The following TBC1D22A variants were observed in gnomAD, a reference collection of about 807,000 sequenced individuals.
TBC1D22A encodes the protein TBC1 domain family member 22A.
In TBC1D22A, 38 loss-of-function variants were observed where a neutral mutation model predicts 60.2. The observed-to-expected ratio is 0.63, with a 90% confidence interval of 0.49 to 0.83. The LOEUF (loss-of-function observed/expected upper bound fraction) is 0.83. TBC1D22A is among the 40% of genes least tolerant of loss of function. The pLI, the probability that TBC1D22A is intolerant of heterozygous loss-of-function variation, is 0.00. For synonymous variants in TBC1D22A, 302 were observed against 281.7 expected, an observed-to-expected ratio of 1.07 and a Z score of -0.72; for missense variants, 628 against 701.0, an observed-to-expected ratio of 0.90 and a Z score of 1.18.
chr22:46,767,285 C>T (rs1444930631), intron 1 of TBC1D22A, among the ~76,000 whole-genome samples: 2 of 152,300 alleles, frequency 1.3e-5, no homozygotes, highest in South Asian at 2.1e-4. Context: ...CACCAAGTTA[C>T]CTCTGGGGCC....
chr22:47,059,222 C>G (rs1159334660), intron 11 of TBC1D22A, among the ~76,000 whole-genome samples: 1 of 152,258 alleles, frequency 6.6e-6, no homozygotes, highest in South Asian at 2.1e-4. Context: ...CTGTCTGGCA[C>G]CTGGATTTTC....
chr22:47,167,478 T>G (rs1361649780), intron 12 of TBC1D22A, among the ~76,000 whole-genome samples: 5 of 152,224 alleles, frequency 3.3e-5, no homozygotes, highest in Admixed American at 6.5e-5. Context: ...TACAGCTCTT[T>G]TACTCCTGCC....
At position 47,079,084 on chromosome 22, in the gene TBC1D22A, C is replaced by CTTTT. The variant is rs35269996; in HGVS notation, c.1330-32407_1330-32404dup. The stretch of plus-strand genomic sequence containing the variant: ...TGGGTAAGTGAGAATGTAGAGCAGA[C>CTTTT]TTTTTTTTTTTTTTTTTTTTGAGAC... On this transcript the variant is annotated intron_variant, in intron 11 of 12. Coordinates refer to ENST00000337137, the MANE Select transcript of TBC1D22A (RefSeq NM_014346.5). 6.1e-4 allele frequency among the ~76,000 whole-genome samples: 76 copies of CTTTT among 124,886 alleles called. 1 individual carries two copies. Among genetic ancestry groups the CTTTT allele is most frequent in the African/African-American group, 6.9e-4 (23 of 33,438 alleles). 81.9% of individuals were successfully genotyped at this position (124,886 alleles called of 152,430 possible). A position where few individuals can be genotyped will look rare whatever the true frequency, so the allele number is the denominator to read the frequency against.
chr22:47,131,248 C>T (rs549811016), intron 12 of TBC1D22A, among the ~76,000 whole-genome samples: 2 of 152,352 alleles, frequency 1.3e-5, no homozygotes, highest in Non-Finnish European at 2.9e-5. Context: ...AACTGTATCA[C>T]TGTCCTTGTA....
intron 9 of TBC1D22A, among the ~76,000 whole-genome samples, chr22:46,980,013 G>A (rs894955173): frequency 1.3e-5 from 2 of 151,910 alleles, no homozygotes; most frequent in African/African-American, 4.8e-5. Flanking sequence ...CAGAGAAGGA[G>A]TGCGCCGGGA....
chr22:46,893,098 A>G lies in TBC1D22A; in HGVS notation c.838-1686A>G, dbSNP rs190796523. 1.8e-3 allele frequency among the ~76,000 whole-genome samples: 273 copies of G among 152,320 alleles called. 1 individual carries two copies. The highest frequency in any genetic ancestry group is 6.3e-3 in the African/African-American group (261 of 41,568). ...CCAGCCGTCTGACCCGCAGTGGGCA[A>G]TGCCACCCCTGCACACTGGTGGAGG... On this transcript the variant is annotated intron_variant, in intron 6 of 12. Transcript: ENST00000337137.
chr22:47,015,437 C>T (rs942539081), intron 10 of TBC1D22A, among the ~76,000 whole-genome samples: 3 of 152,302 alleles, frequency 2.0e-5, no homozygotes, highest in Admixed American at 1.3e-4. Flanking sequence ...CACGCCCACC[C>T]CGTTTTACAC....
intron 11 of TBC1D22A, among the ~76,000 whole-genome samples, chr22:47,088,132 G>A (rs1308160181): frequency 1.3e-5 from 2 of 151,932 alleles, no homozygotes; most frequent in Non-Finnish European, 2.9e-5. Flanking sequence ...AACTGTTGGT[G>A]GATTCTGCCC....
intron 9 of TBC1D22A, among the ~76,000 whole-genome samples, chr22:46,985,303 A>T (rs2074681943): frequency 6.6e-6 from 1 of 152,152 alleles, no homozygotes; most frequent in African/African-American, 2.4e-5. Context: ...GAGTCCGTTT[A>T]GATGTGTCAA....
At chr22:46,868,379 A>T (rs768062774) in intron 4 of TBC1D22A, among the ~76,000 whole-genome samples, 3 of 152,222 alleles carry the variant, frequency 2.0e-5, no homozygotes, top group Non-Finnish European at 4.4e-5. Context: ...TATATGTGTA[A>T]GGTATATATG....
intron 11 of TBC1D22A, among the ~76,000 whole-genome samples, chr22:47,106,657 A>C (rs569476349): frequency 3.9e-5 from 6 of 152,220 alleles, no homozygotes; most frequent in Non-Finnish European, 7.3e-5. Context: ...GAAGGATAAT[A>C]ATTTCCAAAG....
At chr22:47,044,620 G>A (rs892023903) in intron 11 of TBC1D22A, among the ~76,000 whole-genome samples, 5 of 152,298 alleles carry the variant, frequency 3.3e-5, no homozygotes, top group South Asian at 4.1e-4. Context: ...ATTTGAGGTC[G>A]TAAGCTTTCC....
chr22:46,916,503 T>C (rs1459660696), intron 8 of TBC1D22A, among the ~76,000 whole-genome samples: 1 of 152,246 alleles, frequency 6.6e-6, no homozygotes, highest in African/African-American at 2.4e-5. Flanking sequence ...GTTTAGGGCA[T>C]GCTCTTGCAC....
At chr22:46,996,932 A>G (rs1021507883) in intron 9 of TBC1D22A, among the ~76,000 whole-genome samples, 14 of 152,160 alleles carry the variant, frequency 9.2e-5, no homozygotes, top group Admixed American at 9.2e-4. Context: ...CTCTCATGTT[A>G]TTGGTAATGA....
At chr22:47,110,992 C>T (rs1365723053) in intron 11 of TBC1D22A, among the ~76,000 whole-genome samples, 3 of 152,216 alleles carry the variant, frequency 2.0e-5, no homozygotes, top group Non-Finnish European at 4.4e-5. Flanking sequence ...TGTCCTTCCG[C>T]GTCCGTGGCT....
intron 8 of TBC1D22A, among the ~76,000 whole-genome samples, chr22:46,942,299 T>C (rs774279372): frequency 5.3e-5 from 8 of 151,950 alleles, no homozygotes; most frequent in Non-Finnish European, 1.2e-4. Flanking sequence ...TAGGAAAAAA[T>C]CCTGTTCTGT....
At chr22:46,838,753 T>TAC (rs2086627618) in intron 4 of TBC1D22A, among the ~76,000 whole-genome samples, 1 of 152,354 alleles carries the variant, frequency 6.6e-6, no homozygotes, top group East Asian at 1.9e-4. Context: ...AGGATGGTTC[T>TAC]ACACACACAA....
chr22:47,042,878 C>T (rs2062896727), intron 11 of TBC1D22A, among the ~76,000 whole-genome samples: 1 of 152,220 alleles, frequency 6.6e-6, no homozygotes, highest in South Asian at 2.1e-4. Flanking sequence ...ATGGCCAGTG[C>T]AAGCCTCGCC....
intron 8 of TBC1D22A, among the ~76,000 whole-genome samples, chr22:46,955,891 G>A (rs2073160633): frequency 6.6e-6 from 1 of 152,192 alleles, no homozygotes; most frequent in Admixed American, 6.5e-5. Context: ...GGCTGAGCAC[G>A]GGGCTCCCTG....
Sources: allele counts gnomAD v4.1 joint callset (sites outside exome capture counted in the v4.1 genomes callset), GRCh38; gene constraint gnomAD v4.1.1; transcripts MANE v1.5; gene names NCBI Gene and HGNC (gene_info 2026-07-23, HGNC 2026-07-21).